The following ADAMTSL1 variants were observed in gnomAD, a reference collection of about 807,000 sequenced individuals.
ADAMTSL1 encodes the protein ADAMTS-like protein 1.
In ADAMTSL1, 126 loss-of-function variants were observed where a neutral mutation model predicts 201.8. That is an observed-to-expected ratio of 0.62 (90% CI 0.54 to 0.72). The LOEUF (loss-of-function observed/expected upper bound fraction) is 0.72. ADAMTSL1 is among the 30% of genes least tolerant of loss of function. The probability of loss-of-function intolerance (pLI) is 0.00; values close to 1 mark genes in which losing one functional copy is unlikely to be tolerated. For missense variants in ADAMTSL1, 2,679 were observed against 2,277.8 expected, an observed-to-expected ratio of 1.18 and a Z score of -3.59; for synonymous variants, 1,121 against 903.4, an observed-to-expected ratio of 1.24 and a Z score of -4.32.
chr9:18,609,719 C>A (rs1264109866), intron 4 of ADAMTSL1, among the ~76,000 whole-genome samples: 4 of 152,036 alleles, frequency 2.6e-5, no homozygotes, highest in Non-Finnish European at 4.4e-5. Flanking sequence ...CATATCCCCC[C>A]CCTAAAATAA....
intron 2 of ADAMTSL1, among the ~76,000 whole-genome samples, chr9:18,441,963 A>T (rs1214061614): frequency 6.6e-6 from 1 of 152,216 alleles, no homozygotes; most frequent in Admixed American, 6.5e-5. Context: ...TGAAAACCCA[A>T]ATCCACTAAA....
intron 2 of ADAMTSL1, among the ~76,000 whole-genome samples, chr9:18,215,808 C>T (rs545515869): frequency 6.6e-6 from 1 of 152,124 alleles, no homozygotes; most frequent in African/African-American, 2.4e-5. Flanking sequence ...TCCTGCTGTC[C>T]TCACGGAGAA....
intron 1 of ADAMTSL1, among the ~76,000 whole-genome samples, chr9:18,155,644 G>T (rs1429648166): frequency 6.6e-6 from 1 of 152,042 alleles, no homozygotes; most frequent in African/African-American, 2.4e-5. Flanking sequence ...GTGGCCTAGA[G>T]AAGCCAAAAG....
chr9:18,870,402 C>T (rs767951339), intron 23 of ADAMTSL1, among the ~76,000 whole-genome samples: 3 of 152,190 alleles, frequency 2.0e-5, no homozygotes, highest in Non-Finnish European at 4.4e-5. Flanking sequence ...AAACTCTAGC[C>T]TCTATCTTCC....
At chr9:18,043,840 T>G (rs534468798) in intron 1 of ADAMTSL1, among the ~76,000 whole-genome samples, 30 of 151,882 alleles carry the variant, frequency 2.0e-4, no homozygotes, top group African/African-American at 7.2e-4. Flanking sequence ...GGAATGTACT[T>G]TAGATATGGT....
At chr9:18,274,220 C>T (rs111922380) in intron 2 of ADAMTSL1, among the ~76,000 whole-genome samples, 2,992 of 152,288 alleles carry the variant, frequency 0.02, 37 homozygotes, top group Non-Finnish European at 0.03. Context: ...CCTATCGCTA[C>T]GCATGGTTTA....
chr9:18,457,185 A>G (rs1247681490), intron 2 of ADAMTSL1, among the ~76,000 whole-genome samples: 2 of 152,188 alleles, frequency 1.3e-5, no homozygotes, highest in African/African-American at 2.4e-5. Flanking sequence ...TTACTGAGCT[A>G]ATGTTGAGAT....
intron 1 of ADAMTSL1, among the ~76,000 whole-genome samples, chr9:18,049,736 G>C (rs1025678544): frequency 6.6e-6 from 1 of 151,536 alleles, no homozygotes; most frequent in Non-Finnish European, 1.5e-5. Context: ...CCATTCTCCC[G>C]CCTCAGCCTC....
intron 1 of ADAMTSL1, among the ~76,000 whole-genome samples, chr9:17,991,793 T>C (rs532542546): frequency 6.6e-6 from 1 of 152,162 alleles, no homozygotes; most frequent in Non-Finnish European, 1.5e-5. Context: ...TCATGTAACT[T>C]CCTCGATTAT....
intron 23 of ADAMTSL1, among the ~76,000 whole-genome samples, chr9:18,836,753 G>A (rs1825334660): frequency 6.6e-6 from 1 of 152,104 alleles, no homozygotes; most frequent in African/African-American, 2.4e-5. Flanking sequence ...TTCCATTTAT[G>A]GATGTCATCT....
intron 1 of ADAMTSL1, among the ~76,000 whole-genome samples, chr9:18,015,800 G>A (rs914735028): frequency 1.2e-4 from 19 of 152,036 alleles, no homozygotes; most frequent in South Asian, 8.3e-4. Context: ...GATCCCTCCC[G>A]AGACCAATGA....
intron 26 of ADAMTSL1, among the ~76,000 whole-genome samples, chr9:18,892,841 A>G (rs1025239167): frequency 1.1e-4 from 16 of 152,164 alleles, no homozygotes; most frequent in African/African-American, 3.9e-4. Context: ...AACTCAAAAC[A>G]TCTTATAATT....
At chr9:18,735,855 G>A (rs1359739884) in intron 15 of ADAMTSL1, among the ~76,000 whole-genome samples, 2 of 143,346 alleles carry the variant, frequency 1.4e-5, no homozygotes, top group Non-Finnish European at 3.0e-5. Flanking sequence ...GGCTCATAAA[G>A]CTTATGTAAC....
chr9:18,739,712 C>T lies in ADAMTSL1; in HGVS notation c.2007-13586C>T, dbSNP rs181503578. Among the ~76,000 whole-genome samples the T allele has an allele frequency of 3.3e-5, 5 of 152,326 alleles. No individual in the cohort carries two copies. The East Asian group carries it at 9.6e-4, about 29-fold the overall frequency. On this transcript the variant is annotated intron_variant, in intron 15 of 28. Transcript: ENST00000380548. ...TGGAAAGCCTCATTCTCACTCCCCA[C>T]GTCAACACCCTTTAGGGCTAGAAAG...
intron 20 of ADAMTSL1, among the ~76,000 whole-genome samples, chr9:18,811,137 A>G (rs1028087563): frequency 5.9e-5 from 9 of 152,206 alleles, no homozygotes; most frequent in African/African-American, 2.2e-4. Context: ...ATGCTAGCCA[A>G]ATGCCACCGA....
At chr9:17,994,808 C>T (rs1819305956) in intron 1 of ADAMTSL1, among the ~76,000 whole-genome samples, 1 of 152,098 alleles carries the variant, frequency 6.6e-6, no homozygotes, top group Admixed American at 6.6e-5. Flanking sequence ...TTTATTTAAA[C>T]ATTTTGAAGT....
intron 1 of ADAMTSL1, among the ~76,000 whole-genome samples, chr9:17,908,386 C>G (rs543732899): frequency 2.2e-4 from 33 of 152,186 alleles, no homozygotes; most frequent in Non-Finnish European, 4.0e-4. Flanking sequence ...ATCAGAAATT[C>G]TAAAGCTCTC....
chr9:18,345,384 C>A (rs1371504779), intron 2 of ADAMTSL1, among the ~76,000 whole-genome samples: 4 of 150,352 alleles, frequency 2.7e-5, no homozygotes, highest in Admixed American at 1.3e-4. Flanking sequence ...TCAGAAACAT[C>A]CGAATCATCA....
chr9:18,086,063 G>A (rs1172632178), intron 1 of ADAMTSL1, among the ~76,000 whole-genome samples: 2 of 152,110 alleles, frequency 1.3e-5, no homozygotes, highest in Non-Finnish European at 2.9e-5. Context: ...CAGCTAGCGG[G>A]CTGGCACTGA....
Sources: allele counts gnomAD v4.1 joint callset (sites outside exome capture counted in the v4.1 genomes callset), GRCh38; gene constraint gnomAD v4.1.1; transcripts MANE v1.5; gene names NCBI Gene and HGNC (gene_info 2026-07-23, HGNC 2026-07-21).